The following RBFOX1 variants were observed in gnomAD, a reference collection of about 807,000 sequenced individuals.
RBFOX1 encodes the protein RNA binding protein fox-1 homolog 1.
In RBFOX1, 8 loss-of-function variants were observed where a neutral mutation model predicts 57.7. The ratio of observed to expected loss-of-function variants is 0.14; its 90% confidence interval spans 0.08 to 0.25. RBFOX1 has a LOEUF of 0.25. Among genes scored for constraint, RBFOX1 ranks in the 10% least tolerant of loss-of-function variants. RBFOX1 has a pLI of 1.00. For synonymous variants in RBFOX1, 326 were observed against 222.4 expected (o/e 1.47, Z -4.15); for missense variants, 611 against 548.5 (o/e 1.11, Z -1.14).
intron 2 of RBFOX1, among the ~76,000 whole-genome samples, chr16:5,549,129 T>G (rs2045352050): frequency 6.6e-6 from 1 of 152,210 alleles, no homozygotes; most frequent in African/African-American, 2.4e-5. Context: ...CAGCTCACTG[T>G]ACTTGCTTCC....
rs1567490770 is a variant in RBFOX1 at position 5,424,989 on chromosome 16, T to TTTTTTTC, written c.220-42224_220-42223insTTTCTTT. Among the ~76,000 whole-genome samples, 4 of 75,806 alleles carry TTTTTTTC rather than the reference T, an allele frequency of 5.3e-5. No homozygotes were observed. In the South Asian group the frequency reaches 1.4e-3, roughly 27 times the overall value. 49.7% of individuals were successfully genotyped at this position (75,806 alleles called of 152,430 possible). A position where few individuals can be genotyped will look rare whatever the true frequency, so the allele number is the denominator to read the frequency against. On this transcript the variant is annotated intron_variant, in intron 1 of 2. Transcript: ENST00000585867. The stretch of plus-strand genomic sequence containing the variant: ...CTCTTTCTTTCTTTCTTTTCTTTTC[T>TTTTTTTC]TTTCTTTTCTTTTCTTTTCTTTTCT...
At chr16:6,762,400 A>G (rs950335362) in intron 3 of RBFOX1, among the ~76,000 whole-genome samples, 1 of 152,144 alleles carries the variant, frequency 6.6e-6, no homozygotes, top group Non-Finnish European at 1.5e-5. Context: ...ATATTAGCAA[A>G]CAGTACTTAA....
rs140685069 is a variant in RBFOX1 at position 5,360,257 on chromosome 16, G to C, written c.220-106959G>C. 5.3e-5 allele frequency among the ~76,000 whole-genome samples: 8 copies of C among 152,350 alleles called. No individual in the cohort carries two copies. In the East Asian group the frequency reaches 1.5e-3, roughly 29 times the overall value. ...CTGCTGACATGTTGTGGGAAGGCTG[G>C]AGGGCGAGGGATAATTAGAGGATAG... On this transcript the variant is annotated intron_variant, in intron 1 of 2. Coordinates refer to the RBFOX1 transcript ENST00000585867.
At chr16:6,743,840 G>A (rs1603499444) in intron 3 of RBFOX1, among the ~76,000 whole-genome samples, 1 of 110,140 alleles carries the variant, frequency 9.1e-6, no homozygotes, top group Non-Finnish European at 2.0e-5. Context: ...AAAAAATCAT[G>A]TTCATTTATT....
intron 4 of RBFOX1, among the ~76,000 whole-genome samples, chr16:7,204,061 C>G (rs1194853890): frequency 1.3e-5 from 2 of 152,248 alleles, no homozygotes; most frequent in African/African-American, 4.8e-5. Context: ...CCTGACTTCT[C>G]CAGATTTCCA....
At chr16:7,335,998 A>T (rs1046638455) in intron 4 of RBFOX1, among the ~76,000 whole-genome samples, 2 of 152,222 alleles carry the variant, frequency 1.3e-5, no homozygotes, top group African/African-American at 4.8e-5. Flanking sequence ...CATTGTACAA[A>T]TATTGGCTGC....
intron 1 of RBFOX1, among the ~76,000 whole-genome samples, chr16:6,307,944 GGTT>G (rs1341589090): frequency 1.4e-5 from 2 of 147,092 alleles, no homozygotes; most frequent in African/African-American, 2.5e-5. Flanking sequence ...TATTCATTTA[GGTT>G]GTTATTTACA....
chr16:6,955,068 A>AG (rs1474106573), intron 3 of RBFOX1, among the ~76,000 whole-genome samples: 1 of 90,708 alleles, frequency 1.1e-5, no homozygotes, highest in Non-Finnish European at 2.3e-5. Context: ...CCATCTCTAC[A>AG]AAAAAAAAAA....
chr16:7,190,546 G>T lies in RBFOX1; in HGVS notation c.27+138448G>T, dbSNP rs539442049. On this transcript the variant is annotated intron_variant, in intron 4 of 15. Transcript: ENST00000550418. ...TGATCTCTATCTGATGAGCTGGAGA[G>T]TGACCTAAGTTAGAAGGGAAAGTAG... 3.3e-5 allele frequency among the ~76,000 whole-genome samples: 5 copies of T among 151,912 alleles called. No homozygotes were observed. The South Asian group carries it at 1.0e-3, about 32-fold the overall frequency.
intron 1 of RBFOX1, among the ~76,000 whole-genome samples, chr16:5,429,978 G>T (rs1053591982): frequency 1.3e-5 from 2 of 152,160 alleles, no homozygotes; most frequent in Non-Finnish European, 2.9e-5. Context: ...TATCACTGAA[G>T]GAGGCAGAGA....
chr16:5,400,919 T>C (rs1451824393), intron 1 of RBFOX1, among the ~76,000 whole-genome samples: 2 of 152,220 alleles, frequency 1.3e-5, no homozygotes, highest in Non-Finnish European at 2.9e-5. Flanking sequence ...CATTTTTCTA[T>C]TGGGGCATTA....
chr16:5,782,507 T>C (rs192645488), intron 3 of RBFOX1, among the ~76,000 whole-genome samples: 4 of 152,274 alleles, frequency 2.6e-5, no homozygotes, highest in Admixed American at 2.6e-4. Flanking sequence ...AAATTAAATT[T>C]TCACCACAAG....
chr16:5,836,743 T>C (rs1210922060), intron 3 of RBFOX1, among the ~76,000 whole-genome samples: 2 of 152,198 alleles, frequency 1.3e-5, no homozygotes, highest in East Asian at 3.9e-4. Context: ...TAGATGCCAT[T>C]AGCATCCCTC....
chr16:7,225,485 G>T (rs754027685), intron 4 of RBFOX1, among the ~76,000 whole-genome samples: 4 of 151,936 alleles, frequency 2.6e-5, no homozygotes, highest in Non-Finnish European at 5.9e-5. Context: ...CCCCAGCCAC[G>T]TATAACTGTA....
chr16:5,263,250 A>G (rs1443625984), intron 1 of RBFOX1, among the ~76,000 whole-genome samples: 6 of 152,186 alleles, frequency 3.9e-5, no homozygotes, highest in African/African-American at 1.4e-4. Flanking sequence ...AAAGTTTGGT[A>G]GAAGGAGAAA....
intron 3 of RBFOX1, among the ~76,000 whole-genome samples, chr16:6,679,728 G>A (rs1270821965): frequency 1.3e-5 from 2 of 152,134 alleles, no homozygotes; most frequent in African/African-American, 2.4e-5. Context: ...GTTCTTTGAG[G>A]AGGAAATGGA....
chr16:7,141,681 G>C (rs1334556531), intron 4 of RBFOX1, among the ~76,000 whole-genome samples: 1 of 152,138 alleles, frequency 6.6e-6, no homozygotes, highest in Non-Finnish European at 1.5e-5. Context: ...TACAAGGGAT[G>C]AGCTACTATA....
intron 3 of RBFOX1, among the ~76,000 whole-genome samples, chr16:7,034,841 C>CTTTTTTCTTTTCTTTTT (rs2043872771): frequency 2.6e-5 from 1 of 39,166 alleles, no homozygotes; most frequent in African/African-American, 1.2e-4. Flanking sequence ...TTTTTTTTTT[C>CTTTTTTCTTTTCTTTTT]TTTTTTCTTT....
chr16:7,339,059 G>T (rs1018097973), intron 4 of RBFOX1, among the ~76,000 whole-genome samples: 10 of 152,170 alleles, frequency 6.6e-5, no homozygotes, highest in Non-Finnish European at 1.5e-4. Context: ...AAGAGTCAGG[G>T]AGGTGGCAGA....
Sources: gnomAD v4.1 joint callset for allele counts (sites outside exome capture counted in the v4.1 genomes callset) on GRCh38, gnomAD v4.1.1 for gene constraint, MANE v1.5 for transcripts, NCBI Gene and HGNC (gene_info 2026-07-23, HGNC 2026-07-21) for gene names.